B4GALNT3: variants seen among roughly 807,000 people sequenced by gnomAD.
B4GALNT3 encodes the protein beta-1,4-N-acetylgalactosaminyltransferase 3.
B4GALNT3 carries 86 observed loss-of-function variants against 120.2 expected under a neutral mutation model. The ratio of observed to expected loss-of-function variants is 0.72; its 90% CI spans 0.60 to 0.86. B4GALNT3 has a LOEUF of 0.86. B4GALNT3 is among the 40% of genes least tolerant of loss of function. The probability of loss-of-function intolerance (pLI) is 0.00; values close to 1 mark genes in which losing one functional copy is unlikely to be tolerated. For missense variants in B4GALNT3, 1,167 were observed against 1,298.9 expected, an observed-to-expected ratio of 0.90 and a Z score of 1.56; for synonymous variants, 518 against 510.4, an observed-to-expected ratio of 1.01 and a Z score of -0.20.
intron 6 of B4GALNT3, 50 bp downstream of exon 6, chr12:545,519 C>A: frequency 6.7e-7 from 1 of 1,500,476 alleles, no homozygotes; most frequent in South Asian, 1.2e-5. Context: ...GGAGCCTGTT[C>A]ATTGAGTCCT....
intron 1 of B4GALNT3, among the ~76,000 whole-genome samples, chr12:473,682 G>A (rs78377128): frequency 0.016 from 2,404 of 152,242 alleles, 35 homozygotes; most frequent in Middle Eastern, 0.041. Flanking sequence ...GCAAAGGGTG[G>A]GGAGGCAGAC....
rs550462354 is a variant in B4GALNT3, at chr12:561,547, G to A, written c.*96G>A. 6.2e-5 allele frequency: 62 copies of A among 1,006,998 alleles called. No homozygotes were observed. Among genetic ancestry groups the A allele is most frequent in the Middle Eastern group, 2.7e-4 (1 of 3,696 alleles). 62.4% of individuals were successfully genotyped at this position (1,006,998 alleles called of 1,614,324 possible). ...GTTCAGGGATGGGGAGTGGGGTGAC[G>A]GCTGGACCCCAAGAGGCCTCGAAGC... On this transcript the variant is annotated 3_prime_UTR_variant, in exon 20 of 20. Transcript: ENST00000266383.
At chr12:511,359 CACCTTCA>C (rs1170432597) in intron 1 of B4GALNT3, among the ~76,000 whole-genome samples, 22 of 97,536 alleles carry the variant, frequency 2.3e-4, no homozygotes, top group East Asian at 1.0e-3. Context: ...TTCCACCTTC[CACCTTCA>C]ACCTTCCGCC....
intron 1 of B4GALNT3, among the ~76,000 whole-genome samples, chr12:495,644 A>G (rs930110995): frequency 6.6e-6 from 1 of 152,206 alleles, no homozygotes; most frequent in African/African-American, 2.4e-5. Context: ...AGACTCTAGC[A>G]TGAGCTTCAC....
At chr12:480,014 CGCCATTCTCCT>C in intron 1 of B4GALNT3, among the ~76,000 whole-genome samples, 1 of 149,256 alleles carries the variant, frequency 6.7e-6, no homozygotes, top group East Asian at 2.0e-4. Context: ...CCCGGGTTCA[CGCCATTCTCCT>C]GCCTCAGCCT....
At chr12:551,170 T>C in intron 11 of B4GALNT3, 139 bp downstream of exon 11, 1 of 749,992 alleles carries the variant, frequency 1.3e-6, no homozygotes. Context: ...CACAGGTCCC[T>C]GGGCTGGGAA....
chr12:516,901 G>C (rs1257266711), intron 1 of B4GALNT3, among the ~76,000 whole-genome samples: 2 of 152,174 alleles, frequency 1.3e-5, no homozygotes, highest in African/African-American at 4.8e-5. Context: ...TGAAAGTATG[G>C]CTGATGAGAC....
At chr12:534,765 G>T (rs1029783253) in intron 1 of B4GALNT3, among the ~76,000 whole-genome samples, 1 of 152,180 alleles carries the variant, frequency 6.6e-6, no homozygotes, top group African/African-American at 2.4e-5. Context: ...CTGTTCCCCG[G>T]GCTCAGGGCA....
chr12:486,884 A>G (rs1265023823), intron 1 of B4GALNT3, among the ~76,000 whole-genome samples: 1 of 150,842 alleles, frequency 6.6e-6, no homozygotes, highest in African/African-American at 2.5e-5. Flanking sequence ...AGTGTTAGAG[A>G]GGCCAGACAT....
intron 1 of B4GALNT3, among the ~76,000 whole-genome samples, chr12:500,078 A>G (rs1474031341): frequency 1.3e-5 from 2 of 152,084 alleles, no homozygotes; most frequent in East Asian, 3.8e-4. Context: ...GGATTTTGCA[A>G]CTTCTAACTT....
chr12:460,491 CTG>C lies in B4GALNT3; in HGVS notation c.117_118del (p.Tyr40SerfsTer56), dbSNP rs1187416965. 19 of 1,586,260 alleles carry C rather than the reference CTG, an allele frequency of 1.2e-5. No individual in the cohort carries two copies. Among genetic ancestry groups the C allele is most frequent in the Middle Eastern group, 1.7e-4 (1 of 5,826 alleles). On this transcript the variant is annotated frameshift_variant, in exon 1 of 20. Transcript: ENST00000266383. LOFTEE classifies it high-confidence loss of function. This position sits in a 1 kb window ranked among gnomAD's most constrained non-coding sequence, Gnocchi z 8.0. ...CGTGGTGTCTGTGGGGCTCTGGACT[CTG>C]TATCTGGAACTGGTGGCGTCGGCCC... is the stretch of plus-strand genomic sequence containing the variant. Reference protein sequence around the residue: ...LAVVSVGLWTLYLELVASAQV... With the variant: ...LAVVSVGLWTXYLELVASAQV...
intron 6 of B4GALNT3, among the ~76,000 whole-genome samples, chr12:545,987 A>C (rs866145895): frequency 4.5e-4 from 18 of 40,076 alleles, no homozygotes; most frequent in East Asian, 1.7e-3. Flanking sequence ...TGGGGAGATG[A>C]GAGGAGTGGG....
chr12:518,281 G>A (rs374524109), intron 1 of B4GALNT3, among the ~76,000 whole-genome samples: 1 of 152,190 alleles, frequency 6.6e-6, no homozygotes, highest in Admixed American at 6.5e-5. Flanking sequence ...AAACAAGGCA[G>A]CTATGCGCAG....
Position 561,376 on chromosome 12 carries a change from C to T in B4GALNT3, c.2922C>T (p.Leu974=). 1 of 1,614,102 alleles carries T rather than the reference C, an allele frequency of 6.2e-7. No homozygotes were observed. The highest frequency in any genetic ancestry group is 1.1e-5 in the South Asian group (1 of 91,084). Residue 974 remains leucine (L), a synonymous_variant, in exon 20 of 20, where the codon CTC becomes CTT. Transcript: ENST00000266383. ...AAGCGGGCCTGGACGTGGAGCGTCT[C>T]TCCCTCAGGAATTTCTTCCATCATT... The part of the protein sequence containing the change: ...ILQAGLDVER[L]SLRNFFHHFH...
At chr12:519,419 G>A (rs1427620494) in intron 1 of B4GALNT3, among the ~76,000 whole-genome samples, 2 of 152,144 alleles carry the variant, frequency 1.3e-5, no homozygotes, top group Non-Finnish European at 2.9e-5. Flanking sequence ...CTAGGAGAAT[G>A]TTCCAGAAAC....
chr12:515,552 T>C (rs571181532), intron 1 of B4GALNT3, among the ~76,000 whole-genome samples: 13 of 152,310 alleles, frequency 8.5e-5, no homozygotes, highest in Non-Finnish European at 1.6e-4. Flanking sequence ...TTTAAGACAC[T>C]GCCTGGCATA....
At chr12:525,086 T>TTTTG (rs1555156518) in intron 1 of B4GALNT3, among the ~76,000 whole-genome samples, 4 of 130,532 alleles carry the variant, frequency 3.1e-5, no homozygotes, top group African/African-American at 1.0e-4. Context: ...AATAACACAA[T>TTTTG]TTTATTTATT....
intron 1 of B4GALNT3, among the ~76,000 whole-genome samples, chr12:464,057 A>G (rs531897061): frequency 1.3e-5 from 2 of 152,216 alleles, no homozygotes; most frequent in South Asian, 4.1e-4. Flanking sequence ...TGAGCCCAAC[A>G]TTAACTCTTT....
At chr12:462,365 C>G (rs1206496959) in intron 1 of B4GALNT3, among the ~76,000 whole-genome samples, 2 of 149,644 alleles carry the variant, frequency 1.3e-5, no homozygotes, top group Non-Finnish European at 3.0e-5. Flanking sequence ...TCTTTTACCT[C>G]CGGTGTGTTT....
Sources: allele counts gnomAD v4.1 joint callset (sites outside exome capture counted in the v4.1 genomes callset), GRCh38; gene constraint gnomAD v4.1.1; non-coding constraint Gnocchi (gnomAD v3.1); transcripts MANE v1.5; gene names NCBI Gene and HGNC (gene_info 2026-07-23, HGNC 2026-07-21).